Variants in MYH3 observed in about 807,000 individuals in gnomAD.
MYH3 encodes the protein myosin heavy chain 3, also known as myosin-3.
A neutral mutation model predicts 238.0 loss-of-function variants in MYH3; 130 were observed. That is an observed-to-expected ratio of 0.55 (90% confidence interval 0.47 to 0.63). The LOEUF is 0.63. Among genes scored for constraint, MYH3 ranks in the 30% least tolerant of loss-of-function variants. The probability of loss-of-function intolerance (pLI) is 0.00; values close to 1 mark genes in which losing one functional copy is unlikely to be tolerated. For synonymous variants in MYH3, 880 were observed against 924.1 expected, an observed-to-expected ratio of 0.95 and a Z score of 0.86; for missense variants, 1,853 against 2,374.9, an observed-to-expected ratio of 0.78 and a Z score of 4.57.
rs144371202 is a variant in MYH3, at chr17:10,647,846, C to A, written c.736-420G>T. ...GCGTGAGCCACCGTGCCCAGCACCC[C>A]CTACAGTTTGAAATTAGATATGTCC... is the stretch of plus-strand genomic sequence containing the variant. On this transcript the variant is annotated intron_variant, in intron 8 of 40. Coordinates refer to ENST00000583535, the MANE Select transcript of MYH3 (RefSeq NM_002470.4). 2.4e-3 allele frequency among the ~76,000 whole-genome samples: 368 copies of A among 152,274 alleles called. 6 individuals are homozygous for A. Among genetic ancestry groups the A allele is most frequent in the African/African-American group, 8.3e-3 (346 of 41,556 alleles).
upstream of MYH3, among the ~76,000 whole-genome samples, chr17:10,657,788 T>C (rs1476316637): frequency 4.6e-5 from 7 of 152,128 alleles, no homozygotes; most frequent in African/African-American, 1.7e-4. Flanking sequence ...CAACCTTGGG[T>C]TGTGATTGCA....
rs372502153 is a variant in MYH3, at chr17:10,633,734, C to T, written c.4523-19G>A. 64 of 1,613,532 alleles carry T rather than the reference C, an allele frequency of 4.0e-5. No homozygotes were observed. The highest frequency in any genetic ancestry group is 5.0e-5 in the Non-Finnish European group (59 of 1,180,018). ...ATCTCCTCTGTAAAGAAGTAAGTTT[C>T]AGTTGCATATGAGCGCCTCTGCGTG... On this transcript the variant is annotated intron_variant, in intron 32 of 40. Coordinates refer to ENST00000583535, the MANE Select transcript of MYH3 (RefSeq NM_002470.4).
rs147942813 is a variant in MYH3 at position 10,655,938 on chromosome 17, T to C, written c.-9+152A>G. 6.6e-5 allele frequency among the ~76,000 whole-genome samples: 10 copies of C among 151,954 alleles called. No individual in the cohort carries two copies. In the East Asian group the frequency reaches 7.8e-4, roughly 12 times the overall value. ...GTGCTGGGATTACAGGTGTGAGCCA[T>C]TGCACCCGGCCACGACCTGTCCTTG... On this transcript the variant is annotated intron_variant, in intron 2 of 40. Transcript: ENST00000583535.
At chr17:10,663,654 A>C in the MYH3 span, among the ~76,000 whole-genome samples, 2 of 152,052 alleles carry the variant, frequency 1.3e-5, no homozygotes, top group Non-Finnish European at 2.9e-5. Flanking sequence ...CTGGGGGGAC[A>C]CAGGACAGGA....
At position 10,653,915 on chromosome 17, in the gene MYH3, G is replaced by A. The variant is rs552528987; in HGVS notation, c.204+946C>T. Among the ~76,000 whole-genome samples the A allele has an allele frequency of 3.9e-5, 6 of 152,286 alleles. No individual in the cohort carries two copies. In the South Asian group the frequency reaches 1.2e-3, roughly 32 times the overall value. ...TAGCTCCTTATTGGAAATACACAGAGAGCCACCTTTTCGGAGCTCCAATGC... is the reference window on the plus strand; with the variant it reads ...TAGCTCCTTATTGGAAATACACAGAAAGCCACCTTTTCGGAGCTCCAATGC... On this transcript the variant is annotated intron_variant, in intron 3 of 40. Transcript: ENST00000583535.
chr17:10,633,080 T>C (rs1432360138), intron 33 of MYH3, among the ~76,000 whole-genome samples: 2 of 152,024 alleles, frequency 1.3e-5, no homozygotes, highest in Non-Finnish European at 2.9e-5. Flanking sequence ...GGCATGGTGG[T>C]GCCCGCCTGT....
upstream of MYH3, among the ~76,000 whole-genome samples, chr17:10,659,841 G>C (rs1284348708): frequency 6.6e-6 from 1 of 152,256 alleles, no homozygotes; most frequent in East Asian, 1.9e-4. Flanking sequence ...GCCAGCGTCA[G>C]GGATAGAGGT....
the MYH3 span, among the ~76,000 whole-genome samples, chr17:10,672,014 T>C: frequency 6.6e-6 from 1 of 152,220 alleles, no homozygotes; most frequent in African/African-American, 2.4e-5. Flanking sequence ...TACTTTATGC[T>C]TTCTGCCTTT....
At chr17:10,658,269 A>G (rs1452195497), upstream of MYH3, among the ~76,000 whole-genome samples, 2 of 152,024 alleles carry the variant, frequency 1.3e-5, no homozygotes, top group African/African-American at 4.8e-5. Context: ...TTTTTTCTTG[A>G]CAAATCTTTG....
At chr17:10,660,063 C>T (rs2074468920), upstream of MYH3, among the ~76,000 whole-genome samples, 1 of 152,188 alleles carries the variant, frequency 6.6e-6, no homozygotes, top group African/African-American at 2.4e-5. Context: ...GATGTGGATC[C>T]CGGCTTGCCC....
the MYH3 span, chr17:10,673,330 A>G: frequency 4.0e-5 from 6 of 150,686 alleles, no homozygotes; most frequent in African/African-American, 1.2e-4. Context: ...TCAGCTTAAC[A>G]TAGGTATTCC....
upstream of MYH3, among the ~76,000 whole-genome samples, chr17:10,657,724 A>C (rs922059756): frequency 6.6e-6 from 1 of 152,224 alleles, no homozygotes; most frequent in African/African-American, 2.4e-5. Flanking sequence ...AAAGTGAATA[A>C]GACTGAGAGT....
In MYH3 at chr17:10,630,527, G is replaced by C. The variant is rs187440387; in HGVS notation, c.5287-69C>G. The stretch of plus-strand genomic sequence containing the variant: ...GTGCCTTGGAACTGTCAAAACCTGG[G>C]GACCTCGGAGGACCAGAGACCATGC... On this transcript the variant is annotated intron_variant, in intron 36 of 40. Transcript: ENST00000583535. 4 of 1,598,476 alleles carry C rather than the reference G, an allele frequency of 2.5e-6. No individual in the cohort carries two copies. In the East Asian group the frequency reaches 6.7e-5, roughly 27 times the overall value.
Position 10,654,179 on chromosome 17 carries a change from TTTC to T in MYH3, c.204+679_204+681del, listed in dbSNP as rs1185409982. On this transcript the variant is annotated intron_variant, in intron 3 of 40. Coordinates refer to ENST00000583535, the MANE Select transcript of MYH3 (RefSeq NM_002470.4). This position sits in a 1 kb window ranked among gnomAD's most constrained non-coding sequence, Gnocchi z 4.5. ...TTTCTTTCTTTCCTTCCTTCCTTGC[TTTC>T]TTTCTTCCTTCTTTCTTTCCTTCCT... Among the ~76,000 whole-genome samples the T allele has an allele frequency of 6.6e-6, 1 of 150,418 alleles. No homozygotes were observed. Among genetic ancestry groups the T allele is most frequent in the East Asian group, 1.9e-4 (1 of 5,180 alleles).
At position 10,640,251 on chromosome 17, in the gene MYH3, C is replaced by T; in HGVS notation, c.2427G>A (p.Arg809=). The T allele has an allele frequency of 6.2e-7, 1 of 1,614,118 alleles. No individual in the cohort carries two copies. Residue 809 remains arginine (R), a splice_region_variant and synonymous_variant, in exon 22 of 41, where the codon AGG becomes AGA. Transcript: ENST00000583535. ...TGTACTGGATGCAGAAGATGGACTC[C>T]CTAAAAACAAGACATTGCTTATTTC... ...RVEFQKMVQR[R]ESIFCIQYNI...
intron 4 of MYH3, 47 bp downstream of exon 4, chr17:10,652,373 C>G: frequency 6.2e-7 from 1 of 1,606,426 alleles, no homozygotes; most frequent in Non-Finnish European, 8.5e-7. Context: ...CTCCCCTGCC[C>G]GCATATCTAA....
intron 3 of MYH3, among the ~76,000 whole-genome samples, chr17:10,653,475 C>T (rs1237994417): frequency 1.3e-5 from 2 of 152,144 alleles, no homozygotes; most frequent in African/African-American, 4.8e-5. Flanking sequence ...CAGTTGCCCT[C>T]CCCACCCCTT....
In MYH3 at chr17:10,651,590, A is replaced by G; in HGVS notation, c.427T>C (p.Tyr143His). The change falls in exon 5 of 41, where the codon TAC becomes CAC. Residue 143 changes from tyrosine (Y) to histidine (H), a missense_variant. Transcript: ENST00000583535. The part of the protein sequence containing the change: ...PVYNPEVVEG[Y>H]RGKKRQEAPP... ...GCCTCCTGGCGCTTTTTGCCTCGGTAGCCTTCCACCACCTCGGGGTTGTAC... is the reference window on the plus strand; with the variant it reads ...GCCTCCTGGCGCTTTTTGCCTCGGTGGCCTTCCACCACCTCGGGGTTGTAC... 6.2e-7 allele frequency: 1 copy of G among 1,614,096 alleles called. No homozygotes were observed. Among genetic ancestry groups the G allele is most frequent in the Non-Finnish European group, 8.5e-7 (1 of 1,179,992 alleles).
At chr17:10,636,511 G>C (rs2074217168) in intron 28 of MYH3, among the ~76,000 whole-genome samples, 1 of 152,120 alleles carries the variant, frequency 6.6e-6, no homozygotes, top group South Asian at 2.1e-4. Flanking sequence ...TCTCTAGTTA[G>C]ACTCTTGGGG....
Sources: allele counts gnomAD v4.1 joint callset (sites outside exome capture counted in the v4.1 genomes callset), GRCh38; gene constraint gnomAD v4.1.1; non-coding constraint Gnocchi (gnomAD v3.1); transcripts MANE v1.5; gene names NCBI Gene and HGNC (gene_info 2026-07-23, HGNC 2026-07-21).